HEATR5B: variants seen among roughly 807,000 people sequenced by gnomAD.
HEATR5B encodes the protein HEAT repeat-containing protein 5B.
Under a neutral mutation model 224.1 loss-of-function variants are expected in HEATR5B, and 156 were observed. That is an observed-to-expected ratio of 0.70 (90% CI 0.61 to 0.80). The LOEUF (loss-of-function observed/expected upper bound fraction) is 0.80, where lower values mean the gene tolerates loss of function less well. Ranked by LOEUF, HEATR5B falls within the 30% of genes least tolerant of loss-of-function variation. The probability of loss-of-function intolerance (pLI) is 0.00; values close to 1 mark genes in which losing one functional copy is unlikely to be tolerated. For synonymous variants in HEATR5B, 1,027 were observed against 893.0 expected, an observed-to-expected ratio of 1.15 and a Z score of -2.68; for missense variants, 2,323 against 2,535.5, an observed-to-expected ratio of 0.92 and a Z score of 1.80.
At chr2:36,983,243 A>T (rs983295952) in intron 35 of HEATR5B, among the ~76,000 whole-genome samples, 4 of 152,056 alleles carry the variant, frequency 2.6e-5, no homozygotes, top group African/African-American at 9.7e-5. Flanking sequence ...TAATAGTATT[A>T]TAGGGGTAGG....
chr2:37,001,333 A>T (rs373842541), intron 32 of HEATR5B, among the ~76,000 whole-genome samples: 4 of 152,120 alleles, frequency 2.6e-5, no homozygotes, highest in African/African-American at 9.7e-5. Context: ...TGAAAATTCA[A>T]CCTCCCACAA....
At chr2:37,057,236 A>G in intron 15 of HEATR5B, 81 bp downstream of exon 15, 2 of 1,071,446 alleles carry the variant, frequency 1.9e-6, no homozygotes, top group Non-Finnish European at 2.6e-6. Context: ...TCTATACACT[A>G]TTTTCTTTTT....
At chr2:36,989,843 C>A (rs767913168) in intron 34 of HEATR5B, among the ~76,000 whole-genome samples, 3 of 151,432 alleles carry the variant, frequency 2.0e-5, no homozygotes, top group Admixed American at 6.6e-5. Context: ...GATCTTGGAG[C>A]CACCTATCTG....
At chr2:37,047,035 CAAAAAA>C (rs57343074) in intron 18 of HEATR5B, among the ~76,000 whole-genome samples, 4 of 45,420 alleles carry the variant, frequency 8.8e-5, no homozygotes, top group African/African-American at 3.6e-4. Flanking sequence ...GACTCCACCT[CAAAAAA>C]AAAAAAAAAA....
intron 27 of HEATR5B, among the ~76,000 whole-genome samples, chr2:37,010,796 T>G (rs1667738604): frequency 6.6e-6 from 1 of 152,000 alleles, no homozygotes. Flanking sequence ...CACTAACATT[T>G]TTAAGAAAAT....
At chr2:37,075,106 T>A (rs1031431799) in intron 5 of HEATR5B, among the ~76,000 whole-genome samples, 1 of 152,222 alleles carries the variant, frequency 6.6e-6, no homozygotes, top group Admixed American at 6.5e-5. Flanking sequence ...GTGCAAAAAC[T>A]TATATACAGA....
intron 9 of HEATR5B, 22 bp from the exon 10 acceptor site, chr2:37,065,012 T>C (rs1215788004): frequency 6.2e-7 from 1 of 1,607,908 alleles, no homozygotes; most frequent in Non-Finnish European, 8.5e-7. Context: ...ATACTCAAAA[T>C]ATTACTCTTT....
At chr2:37,032,843 T>C (rs1669218305) in intron 21 of HEATR5B, 70 bp from the exon 22 acceptor site, 1 of 1,287,884 alleles carries the variant, frequency 7.8e-7, no homozygotes, top group African/African-American at 1.5e-5. Flanking sequence ...ATTTGCCCAA[T>C]GAATATATAT....
intron 2 of HEATR5B, among the ~76,000 whole-genome samples, chr2:37,080,035 G>C (rs1000596413): frequency 6.6e-6 from 1 of 152,200 alleles, no homozygotes; most frequent in Non-Finnish European, 1.5e-5. Flanking sequence ...GAAGGGGTGA[G>C]CCATGCAGAT....
intron 33 of HEATR5B, among the ~76,000 whole-genome samples, chr2:36,991,363 T>C (rs1172752690): frequency 6.6e-6 from 1 of 151,648 alleles, no homozygotes; most frequent in Non-Finnish European, 1.5e-5. Flanking sequence ...GGCATGGTGG[T>C]GCATGCTTGT....
At position 36,984,237 on chromosome 2, in the gene HEATR5B, T is replaced by TATATATATATATATATAA. The variant is rs1217602304; in HGVS notation, c.5912-2444_5912-2443insTTATATATATATATATAT. ...AAAAATATATATATATATATATATA[T>TATATATATATATATATAA]AAAACTGGAAAAAATATAAGTTATT... is the stretch of plus-strand genomic sequence containing the variant. On this transcript the variant is annotated intron_variant, in intron 35 of 35. Transcript: ENST00000233099. 9.8e-5 allele frequency among the ~76,000 whole-genome samples: 11 copies of TATATATATATATATATAA among 112,008 alleles called. No individual in the cohort carries two copies. In the South Asian group the frequency reaches 1.1e-3, roughly 11 times the overall value. The allele number at this position is 112,008 out of a possible 152,430, so 73.5% of individuals were successfully genotyped here. A position where few individuals can be genotyped will look rare whatever the true frequency, so the allele number is the denominator to read the frequency against.
At chr2:37,001,675 T>C (rs944128061) in intron 32 of HEATR5B, among the ~76,000 whole-genome samples, 2 of 147,184 alleles carry the variant, frequency 1.4e-5, no homozygotes, top group African/African-American at 5.0e-5. Flanking sequence ...TTTTCTTTCT[T>C]TTTTTTTTTT....
Position 37,070,385 on chromosome 2 carries a change from T to C in HEATR5B, c.772A>G (p.Met258Val). 1.9e-6 allele frequency: 3 copies of C among 1,611,734 alleles called. No individual in the cohort carries two copies. Among genetic ancestry groups the C allele is most frequent in the Non-Finnish European group, 2.5e-6 (3 of 1,178,532 alleles). ...GTTGCTCGCTTCACATTCTGACGCATTACTTTCAAGAAGAAAAATTAAAGT... is the reference window on the plus strand; with the variant it reads ...GTTGCTCGCTTCACATTCTGACGCACTACTTTCAAGAAGAAAAATTAAAGT... ...TALMPKQATVMRQNVKRATFD... is the reference protein window; with the variant it reads ...TALMPKQATVVRQNVKRATFD... The change falls in exon 7 of 36, where the codon ATG becomes GTG. Residue 258 changes from methionine (M) to valine (V), a missense_variant and splice_region_variant. Physicochemically the swap from Met to Val is conservative, Grantham distance 21 (BLOSUM62 1). This residue lies in a region of HEATR5B where 292 missense variants were observed against 332.6 expected (regional missense o/e 0.88). Coordinates refer to ENST00000233099, the MANE Select transcript of HEATR5B (RefSeq NM_019024.3).
intron 28 of HEATR5B, chr2:37,008,401 T>A: frequency 1.7e-6 from 1 of 587,616 alleles, no homozygotes; most frequent in Middle Eastern, 4.6e-4. Context: ...TGCTTGCTAA[T>A]ATGTTTGCTT....
chr2:36,994,491 G>C (rs1312218246), intron 33 of HEATR5B, among the ~76,000 whole-genome samples: 1 of 152,066 alleles, frequency 6.6e-6, no homozygotes, highest in South Asian at 2.1e-4. Context: ...GTTAAGCAAG[G>C]GATCTGCTTG....
At chr2:36,984,418 C>T (rs1356421721) in intron 35 of HEATR5B, among the ~76,000 whole-genome samples, 1 of 151,052 alleles carries the variant, frequency 6.6e-6, no homozygotes, top group Non-Finnish European at 1.5e-5. Context: ...GTAGCATTTC[C>T]GTATAGAATT....
chr2:37,032,718 C>T lies in HEATR5B; in HGVS notation c.3272G>A (p.Arg1091Gln). ...LLRRAAVACLRQLAQREAAEV... is the reference protein window; with the variant it reads ...LLRRAAVACLQQLAQREAAEV... ...CGCTGCTTCTCTTTGTGCAAGTTGCCGAAGACATGCCACAGCTGCTCGTCG... is the reference window on the plus strand; with the variant it reads ...CGCTGCTTCTCTTTGTGCAAGTTGCTGAAGACATGCCACAGCTGCTCGTCG... Residue 1091 changes from arginine to glutamine, a missense_variant, in exon 22 of 36, where the codon CGG becomes CAG. Coordinates refer to ENST00000233099, the MANE Select transcript of HEATR5B (RefSeq NM_019024.3). The T allele has an allele frequency of 1.2e-6, 2 of 1,613,866 alleles. No individual in the cohort carries two copies. The highest frequency in any genetic ancestry group is 1.7e-6 in the Non-Finnish European group (2 of 1,179,924).
chr2:36,991,866 T>A (rs924670027), intron 33 of HEATR5B, among the ~76,000 whole-genome samples: 3 of 152,140 alleles, frequency 2.0e-5, no homozygotes, highest in Non-Finnish European at 4.4e-5. Context: ...TTTTGTAATA[T>A]GGAATAAAGG....
At chr2:37,046,015 C>T (rs895307091) in intron 18 of HEATR5B, among the ~76,000 whole-genome samples, 5 of 152,136 alleles carry the variant, frequency 3.3e-5, no homozygotes, top group Non-Finnish European at 7.3e-5. Context: ...TAATGTTTAT[C>T]TGAAAGAATA....
Sources: allele counts gnomAD v4.1 joint callset (sites outside exome capture counted in the v4.1 genomes callset), GRCh38; gene constraint gnomAD v4.1.1; regional missense constraint gnomAD v4.1.1; transcripts MANE v1.5; gene names NCBI Gene and HGNC (gene_info 2026-07-23, HGNC 2026-07-21).